TENM3: variants seen among roughly 807,000 people sequenced by gnomAD.
The protein encoded by TENM3 is teneurin-3.
A neutral mutation model predicts 255.1 loss-of-function variants in TENM3; 63 were observed. That is an observed-to-expected ratio of 0.25 (90% CI 0.20 to 0.30). The LOEUF (loss-of-function observed/expected upper bound fraction) is 0.30, where lower values mean the gene tolerates loss of function less well. Ranked by LOEUF, TENM3 falls within the 10% of genes least tolerant of loss-of-function variation. The pLI, the probability that TENM3 is intolerant of heterozygous loss-of-function variation, is 1.00. For synonymous variants in TENM3, 1,306 were observed against 1,322.3 expected, an observed-to-expected ratio of 0.99 and a Z score of 0.27; for missense variants, 2,929 against 3,461.1, an observed-to-expected ratio of 0.85 and a Z score of 3.86.
At chr4:181,712,868 T>C in the TENM3 span, among the ~76,000 whole-genome samples, 1 of 152,212 alleles carries the variant, frequency 6.6e-6, no homozygotes, top group Non-Finnish European at 1.5e-5. Flanking sequence ...AATTGATTTG[T>C]TTAAAAAGAG....
chr4:182,569,172 A>C (rs1410140664), intron 3 of TENM3, among the ~76,000 whole-genome samples: 1 of 152,242 alleles, frequency 6.6e-6, no homozygotes, highest in Non-Finnish European at 1.5e-5. Context: ...ACATGTAATC[A>C]AAATCTATGG....
chr4:182,135,533 T>A, the TENM3 span, among the ~76,000 whole-genome samples: 1 of 152,202 alleles, frequency 6.6e-6, no homozygotes, highest in African/African-American at 2.4e-5. Flanking sequence ...GAAGTGAAAG[T>A]AAAGACGAAA....
rs1767068797 is a variant in TENM3 at position 182,802,930 on chromosome 4, A to G, written c.*2579A>G. 2.0e-5 allele frequency: 3 copies of G among 152,586 alleles called. No homozygotes were observed. Among genetic ancestry groups the G allele is most frequent in the Non-Finnish European group, 2.9e-5 (2 of 68,020 alleles). 9.5% of individuals were successfully genotyped at this position (152,586 alleles called of 1,614,324 possible). Reference sequence around the variant, plus strand: ...TTGTCTGATTTGTATTGTTCTTTTCATTTGCCTTCTTAACTTTATATGTGA... The same window carrying G: ...TTGTCTGATTTGTATTGTTCTTTTCGTTTGCCTTCTTAACTTTATATGTGA... On this transcript the variant is annotated 3_prime_UTR_variant, in exon 28 of 28. Coordinates refer to ENST00000511685, the MANE Select transcript of TENM3 (RefSeq NM_001080477.4).
intron 1 of TENM3, among the ~76,000 whole-genome samples, chr4:182,194,116 TAAAC>T (rs764800458): frequency 2.8e-4 from 43 of 152,222 alleles, no homozygotes; most frequent in Admixed American, 5.9e-4. Context: ...TAATTGATAA[TAAAC>T]AAACAAATTC....
At chr4:181,565,548 A>G in the TENM3 span, among the ~76,000 whole-genome samples, 2 of 152,238 alleles carry the variant, frequency 1.3e-5, no homozygotes, top group African/African-American at 4.8e-5. Flanking sequence ...AGAATATTAC[A>G]GGGATGCGGA....
At chr4:182,651,817 T>C (rs1472320416) in intron 5 of TENM3, among the ~76,000 whole-genome samples, 2 of 138,122 alleles carry the variant, frequency 1.4e-5, no homozygotes, top group Non-Finnish European at 3.1e-5. Context: ...TCTACCTATT[T>C]TTGGTATCTT....
the TENM3 span, among the ~76,000 whole-genome samples, chr4:181,488,017 G>C: frequency 6.6e-6 from 1 of 152,164 alleles, no homozygotes; most frequent in Non-Finnish European, 1.5e-5. Context: ...TGCATATTGG[G>C]CTGGGTCTCC....
At chr4:181,814,476 G>GT in the TENM3 span, among the ~76,000 whole-genome samples, 1 of 152,078 alleles carries the variant, frequency 6.6e-6, no homozygotes, top group Admixed American at 6.6e-5. Flanking sequence ...TGAAAAATAA[G>GT]TAAGGACATA....
the TENM3 span, among the ~76,000 whole-genome samples, chr4:181,829,638 C>T: frequency 1.3e-5 from 2 of 152,178 alleles, no homozygotes; most frequent in African/African-American, 4.8e-5. Context: ...CCAATAGGCT[C>T]CAGGCGAGGT....
the TENM3 span, among the ~76,000 whole-genome samples, chr4:181,631,392 C>T: frequency 1.3e-5 from 2 of 152,044 alleles, no homozygotes; most frequent in Middle Eastern, 3.2e-3. Context: ...CAGGTTCAAG[C>T]GATTCTCCTG....
intron 3 of TENM3, among the ~76,000 whole-genome samples, chr4:182,533,090 G>GCATT (rs1281003793): frequency 6.6e-6 from 1 of 152,180 alleles, no homozygotes; most frequent in Non-Finnish European, 1.5e-5. Context: ...GTGCCTCATG[G>GCATT]CATTGTAGCA....
intron 1 of TENM3, among the ~76,000 whole-genome samples, chr4:182,280,729 T>C (rs538902097): frequency 4.8e-4 from 73 of 152,238 alleles, no homozygotes; most frequent in African/African-American, 1.7e-3. Flanking sequence ...GGCGGGTCAA[T>C]TGGACTTGCC....
the TENM3 span, among the ~76,000 whole-genome samples, chr4:181,699,942 G>C: frequency 6.6e-6 from 1 of 152,272 alleles, no homozygotes; most frequent in East Asian, 1.9e-4. Flanking sequence ...AATGAGCGTA[G>C]CATTCCTAAT....
At chr4:182,522,933 C>CGGAA (rs1430929029) in intron 3 of TENM3, among the ~76,000 whole-genome samples, 6 of 152,138 alleles carry the variant, frequency 3.9e-5, no homozygotes, top group Admixed American at 2.6e-4. Flanking sequence ...TGAGCATTTC[C>CGGAA]CTTCCTTCGC....
At chr4:181,807,822 C>A in the TENM3 span, among the ~76,000 whole-genome samples, 180 of 152,222 alleles carry the variant, frequency 1.2e-3, no homozygotes, top group Admixed American at 3.3e-3. Context: ...AAATAATAAT[C>A]AAGGTTGTAG....
At chr4:182,057,058 G>A in the TENM3 span, among the ~76,000 whole-genome samples, 1 of 151,546 alleles carries the variant, frequency 6.6e-6, no homozygotes, top group South Asian at 2.1e-4. Context: ...GATAGCCATC[G>A]TTGTCAACAG....
chr4:182,217,538 G>A (rs1045567040), intron 1 of TENM3, among the ~76,000 whole-genome samples: 1 of 152,100 alleles, frequency 6.6e-6, no homozygotes, highest in Non-Finnish European at 1.5e-5. Flanking sequence ...TGTGTGCCAG[G>A]TGCTTGTTCG....
the TENM3 span, among the ~76,000 whole-genome samples, chr4:181,655,332 G>A: frequency 6.6e-6 from 1 of 152,212 alleles, no homozygotes; most frequent in South Asian, 2.1e-4. Context: ...ATGAAGACAT[G>A]AATTGCAGGA....
chr4:181,589,005 T>G, the TENM3 span, among the ~76,000 whole-genome samples: 1 of 152,206 alleles, frequency 6.6e-6, no homozygotes, highest in Admixed American at 6.5e-5. Context: ...ATTTCATTAT[T>G]TAGACATCAT....
Sources: allele counts gnomAD v4.1 joint callset (sites outside exome capture counted in the v4.1 genomes callset), GRCh38; gene constraint gnomAD v4.1.1; transcripts MANE v1.5; gene names NCBI Gene and HGNC (gene_info 2026-07-23, HGNC 2026-07-21).